Variants in SIPA1L3 observed in about 807,000 individuals in gnomAD.
SIPA1L3 encodes the protein signal induced proliferation associated 1 like 3.
In SIPA1L3, 59 loss-of-function variants were observed where a neutral mutation model predicts 150.1. That is an observed-to-expected ratio of 0.39 (90% CI 0.32 to 0.49). SIPA1L3 has a LOEUF of 0.49. Ranked by LOEUF, SIPA1L3 falls within the 20% of genes least tolerant of loss-of-function variation. SIPA1L3 has a pLI of 0.86. For synonymous variants in SIPA1L3, 1,070 were observed against 1,077.6 expected (o/e 0.99, Z 0.14); for missense variants, 2,211 against 2,489.5 (o/e 0.89, Z 2.38).
chr19:38,036,478 G>A (rs1968790140), intron 2 of SIPA1L3, among the ~76,000 whole-genome samples: 1 of 152,214 alleles, frequency 6.6e-6, no homozygotes, highest in African/African-American at 2.4e-5. Context: ...GAGGCTTTGG[G>A]TCATTTCATC....
At chr19:38,048,949 A>G (rs776362330) in intron 2 of SIPA1L3, among the ~76,000 whole-genome samples, 1 of 152,060 alleles carries the variant, frequency 6.6e-6, no homozygotes, top group Non-Finnish European at 1.5e-5. Context: ...TGGGTGTGGT[A>G]GTGCACACCT....
chr19:37,978,439 A>C (rs981886196), intron 1 of SIPA1L3, among the ~76,000 whole-genome samples: 2 of 152,152 alleles, frequency 1.3e-5, no homozygotes, highest in African/African-American at 4.8e-5. Flanking sequence ...GGATTAACCC[A>C]TGGACTCCTC....
intron 1 of SIPA1L3, among the ~76,000 whole-genome samples, chr19:37,995,127 T>C (rs1285536637): frequency 1.3e-5 from 2 of 152,096 alleles, no homozygotes; most frequent in Non-Finnish European, 2.9e-5. Flanking sequence ...TATGTTCTTA[T>C]AAATACCCCT....
intron 2 of SIPA1L3, among the ~76,000 whole-genome samples, chr19:38,073,248 G>T (rs1002827652): frequency 2.0e-5 from 3 of 152,152 alleles, no homozygotes; most frequent in Non-Finnish European, 1.5e-5. Context: ...TGACCGTGAC[G>T]CAGCAAGCCA....
intron 15 of SIPA1L3, among the ~76,000 whole-genome samples, chr19:38,166,687 CCT>C (rs1972218825): frequency 6.6e-6 from 1 of 152,036 alleles, no homozygotes; most frequent in Admixed American, 6.6e-5. Context: ...AGTGCCAGCC[CCT>C]GAGTCCACAG....
chr19:38,163,879 T>C (rs1402162899), intron 14 of SIPA1L3, among the ~76,000 whole-genome samples: 1 of 152,160 alleles, frequency 6.6e-6, no homozygotes, highest in Non-Finnish European at 1.5e-5. Context: ...ACTCAGGTGT[T>C]CTCAGCCTTC....
chr19:38,098,134 A>T (rs929344150), intron 4 of SIPA1L3, among the ~76,000 whole-genome samples: 10 of 152,230 alleles, frequency 6.6e-5, no homozygotes, highest in African/African-American at 2.4e-4. Flanking sequence ...CATAAATGTG[A>T]CTTGTTATTA....
At chr19:38,106,936 C>T (rs1970636261) in intron 7 of SIPA1L3, among the ~76,000 whole-genome samples, 1 of 152,202 alleles carries the variant, frequency 6.6e-6, no homozygotes, top group Admixed American at 6.5e-5. Context: ...AATCAGTCAA[C>T]ATTATTTTGA....
intron 1 of SIPA1L3, among the ~76,000 whole-genome samples, chr19:37,997,459 T>G (rs1406655632): frequency 6.7e-6 from 1 of 148,856 alleles, no homozygotes; most frequent in African/African-American, 2.5e-5. Flanking sequence ...TCTCAGCTAC[T>G]CGGGAGGCTG....
At chr19:38,031,415 A>T (rs1468268515) in intron 2 of SIPA1L3, among the ~76,000 whole-genome samples, 2 of 152,182 alleles carry the variant, frequency 1.3e-5, no homozygotes, top group East Asian at 3.9e-4. Flanking sequence ...ATCTGGAACA[A>T]TTCCTCCGTC....
intron 1 of SIPA1L3, among the ~76,000 whole-genome samples, chr19:37,923,382 C>T (rs2046473807): frequency 6.6e-6 from 1 of 152,190 alleles, no homozygotes. Context: ...GCTTCTAGGC[C>T]ACAAACCTAC....
chr19:38,130,786 C>T lies in SIPA1L3; in HGVS notation c.3143+14C>T. ...CACTCCCCGGAGGTAAGGGCCTCCA[C>T]CTTTCAGCCAGGTGGTGGGTGGCAG... On this transcript the variant is annotated intron_variant, in intron 10 of 21. Coordinates refer to ENST00000222345, the MANE Select transcript of SIPA1L3 (RefSeq NM_015073.3). 1 of 1,581,684 alleles carries T rather than the reference C, an allele frequency of 6.3e-7. No individual in the cohort carries two copies. Among genetic ancestry groups the T allele is most frequent in the Non-Finnish European group, 8.6e-7 (1 of 1,158,688 alleles).
intron 1 of SIPA1L3, among the ~76,000 whole-genome samples, chr19:38,000,931 TAAC>T (rs1967782828): frequency 1.5e-5 from 2 of 130,536 alleles, no homozygotes; most frequent in Admixed American, 7.8e-5. Flanking sequence ...AACATATATA[TAAC>T]ATATATAACA....
intron 21 of SIPA1L3, among the ~76,000 whole-genome samples, chr19:38,205,804 A>G (rs1019961830): frequency 6.6e-6 from 1 of 152,166 alleles, no homozygotes; most frequent in Non-Finnish European, 1.5e-5. Flanking sequence ...ATGCGGTGAC[A>G]ATAGTGATGT....
At chr19:37,959,557 A>G (rs539595287) in intron 1 of SIPA1L3, among the ~76,000 whole-genome samples, 1 of 152,344 alleles carries the variant, frequency 6.6e-6, no homozygotes, top group Non-Finnish European at 1.5e-5. Context: ...CTAGGAGTAC[A>G]GAGTTTATTT....
chr19:37,986,163 T>A (rs1439642680), intron 1 of SIPA1L3, among the ~76,000 whole-genome samples: 1 of 152,236 alleles, frequency 6.6e-6, no homozygotes, highest in Non-Finnish European at 1.5e-5. Flanking sequence ...GCTTCCTGGA[T>A]AGAGCCACAG....
rs1973270994 is a variant in SIPA1L3 at position 38,208,190 on chromosome 19, A to G, written c.*1950A>G. On this transcript the variant is annotated 3_prime_UTR_variant, in exon 22 of 22. Transcript: ENST00000222345. ...TGCAAAAACAGATCTATTTAATTTG[A>G]GGTTGATGTTCTATCCAATGGCCGA... 1 of 151,946 alleles carries G rather than the reference A, an allele frequency of 6.6e-6. No individual in the cohort carries two copies. 9.4% of individuals were successfully genotyped at this position (151,946 alleles called of 1,614,324 possible).
At chr19:37,927,388 G>T (rs1385540254) in intron 1 of SIPA1L3, among the ~76,000 whole-genome samples, 1 of 152,042 alleles carries the variant, frequency 6.6e-6, no homozygotes, top group Non-Finnish European at 1.5e-5. Flanking sequence ...CTGACCTCAG[G>T]TGATCCACCC....
intron 1 of SIPA1L3, among the ~76,000 whole-genome samples, chr19:37,929,556 T>C (rs1260323978): frequency 6.6e-6 from 1 of 152,188 alleles, no homozygotes; most frequent in Non-Finnish European, 1.5e-5. Flanking sequence ...AAACTTGAGT[T>C]GGGTGATGAG....
Sources: allele counts gnomAD v4.1 joint callset (sites outside exome capture counted in the v4.1 genomes callset), GRCh38; gene constraint gnomAD v4.1.1; transcripts MANE v1.5; gene names NCBI Gene and HGNC (gene_info 2026-07-23, HGNC 2026-07-21).